Variants in SYNE3 observed in about 807,000 individuals in gnomAD.
The protein encoded by SYNE3 is nesprin-3.
A neutral mutation model predicts 111.2 loss-of-function variants in SYNE3; 100 were observed. The ratio of observed to expected loss-of-function variants is 0.90; its 90% CI spans 0.77 to 1.06. The LOEUF is 1.06. SYNE3 is among the 50% of genes least tolerant of loss of function. SYNE3 has a pLI of 0.00. For synonymous variants in SYNE3, 547 were observed against 533.9 expected, an observed-to-expected ratio of 1.02 and a Z score of -0.34; for missense variants, 1,160 against 1,240.3, an observed-to-expected ratio of 0.94 and a Z score of 0.97.
intron 17 of SYNE3, among the ~76,000 whole-genome samples, chr14:95,422,670 C>A (rs1349083539): frequency 6.6e-6 from 1 of 152,196 alleles, no homozygotes; most frequent in Non-Finnish European, 1.5e-5. Flanking sequence ...TACAAAGATG[C>A]TTCCAGGCAG....
At chr14:95,503,575 A>T (rs568930998) in intron 1 of SYNE3, among the ~76,000 whole-genome samples, 5 of 150,428 alleles carry the variant, frequency 3.3e-5, no homozygotes, top group African/African-American at 1.2e-4. Flanking sequence ...TATTTTAAAC[A>T]GTAGACACGA....
Position 95,467,976 on chromosome 14 carries a change from GAC to G in SYNE3, c.145-11_145-10del. The G allele has an allele frequency of 6.2e-7, 1 of 1,604,058 alleles. No homozygotes were observed. The highest frequency in any genetic ancestry group is 8.5e-7 in the Non-Finnish European group (1 of 1,173,436). On this transcript the variant is annotated splice_polypyrimidine_tract_variant and intron_variant, in intron 2 of 17. Coordinates refer to ENST00000682763, the MANE Select transcript of SYNE3 (RefSeq NM_152592.6). ...TCCAGCTGGCATATTTTCTGTTGTG[GAC>G]ACACAAGCCAGTTTCCAGGGTTGGC... is the stretch of plus-strand genomic sequence containing the variant.
rs1890306044 is a variant in SYNE3 at position 95,500,764 on chromosome 14, A to G, written c.-15+15832T>C. Among the ~76,000 whole-genome samples the G allele has an allele frequency of 6.6e-6, 1 of 152,174 alleles. No homozygotes were observed. The highest frequency in any genetic ancestry group is 6.5e-5 in the Admixed American group (1 of 15,276). On this transcript the variant is annotated intron_variant, in intron 1 of 17. Transcript: ENST00000682763. This position sits in a 1 kb window ranked among gnomAD's most constrained non-coding sequence, Gnocchi z 4.7. ...GGGTTGTCCCCAGCAGCCCCATAGCAGAGTCACTGACCCTTCCTGCTGCAG... is the reference window on the plus strand; with the variant it reads ...GGGTTGTCCCCAGCAGCCCCATAGCGGAGTCACTGACCCTTCCTGCTGCAG...
Position 95,413,195 on chromosome 14 carries a change from T to TTCTC in SYNE3, c.*4627_*4630dup, listed in dbSNP as rs61095678. On this transcript the variant is annotated 3_prime_UTR_variant, in exon 18 of 18. Transcript: ENST00000682763. Reference sequence around the variant, plus strand: ...CCCTCCCTTCCTCCTTTTCTCTCTCTTCTCTCTGTCTCTTTTGCTCTCACT... The same window carrying TTCTC: ...CCCTCCCTTCCTCCTTTTCTCTCTCTTCTCTCTCTCTGTCTCTTTTGCTCTCACT... 104,025 of 145,264 alleles carry TTCTC rather than the reference T, an allele frequency of 0.72. 37,374 individuals carry two copies. Among genetic ancestry groups the TTCTC allele is most frequent in the Non-Finnish European group, 0.76 (50,873 of 66,792 alleles). The allele number at this position is 145,264 out of a possible 1,614,324, so 9.0% of individuals were successfully genotyped here.
At chr14:95,476,480 C>T (rs17092479) in intron 1 of SYNE3, among the ~76,000 whole-genome samples, 1,881 of 152,336 alleles carry the variant, frequency 0.012, 43 homozygotes, top group African/African-American at 0.042. Context: ...ATGCAACCCG[C>T]TTGCTATGCC....
In SYNE3 at chr14:95,475,912, G is replaced by A. The variant is rs919540351; in HGVS notation, c.-14-77C>T. 12 of 1,333,060 alleles carry A rather than the reference G, an allele frequency of 9.0e-6. No individual in the cohort carries two copies. The East Asian group carries it at 2.9e-4, about 32-fold the overall frequency. 82.6% of individuals were successfully genotyped at this position (1,333,060 alleles called of 1,614,324 possible). Reference sequence around the variant, plus strand: ...AAAAAGACCCCCGGCAGGACACCTGGGACAGGCCCACTCCCACCACCAACC... The same window carrying A: ...AAAAAGACCCCCGGCAGGACACCTGAGACAGGCCCACTCCCACCACCAACC... On this transcript the variant is annotated intron_variant, in intron 1 of 17. Transcript: ENST00000682763.
intron 1 of SYNE3, among the ~76,000 whole-genome samples, chr14:95,486,591 C>G (rs1889562017): frequency 1.3e-5 from 2 of 152,146 alleles, no homozygotes; most frequent in Non-Finnish European, 2.9e-5. Context: ...TCAATGACCA[C>G]ACACACGTCA....
chr14:95,449,530 A>G, intron 8 of SYNE3: 1 of 985,478 alleles, frequency 1.0e-6, no homozygotes, highest in Non-Finnish European at 1.2e-6. Flanking sequence ...TGGTGACACC[A>G]CTGAGCTGTG....
At chr14:95,450,543 A>G in intron 7 of SYNE3, 1 of 164,820 alleles carries the variant, frequency 6.1e-6, no homozygotes. Flanking sequence ...CAGGCATCAT[A>G]GTGCATGCCT....
chr14:95,433,521 G>A (rs1340856525), intron 15 of SYNE3, 112 bp from the exon 16 acceptor site: 3 of 1,432,546 alleles, frequency 2.1e-6, no homozygotes, highest in African/African-American at 1.4e-5. Context: ...AGGCAGGGAG[G>A]AGGCAGACAG....
At chr14:95,503,271 C>T (rs1449774070) in intron 1 of SYNE3, among the ~76,000 whole-genome samples, 1 of 152,222 alleles carries the variant, frequency 6.6e-6, no homozygotes, top group Admixed American at 6.5e-5. Context: ...GTAAGCATTG[C>T]CATCCACCCC....
chr14:95,466,132 G>A lies in SYNE3; in HGVS notation c.426C>T (p.Leu142=), dbSNP rs1281173260. ...MMVTLEPHIE[L]QLGLKEKQWQ... ...ACTGCTTCTCCTTCAGGCCCAGCTGGAGCTCGATGTGGGGCTCCAGTGTGA... is the reference window on the plus strand; with the variant it reads ...ACTGCTTCTCCTTCAGGCCCAGCTGAAGCTCGATGTGGGGCTCCAGTGTGA... The change falls in exon 4 of 18, where the codon CTC becomes CTT. Residue 142 remains leucine, a synonymous_variant. Transcript: ENST00000682763. 2 of 1,612,394 alleles carry A rather than the reference G, an allele frequency of 1.2e-6. No individual in the cohort carries two copies.
At chr14:95,468,024 C>A in intron 2 of SYNE3, 57 bp from the exon 3 acceptor site, 2 of 1,555,058 alleles carry the variant, frequency 1.3e-6, no homozygotes, top group East Asian at 2.3e-5. Context: ...CAGGCACAAC[C>A]TTGGGAAGAT....
intron 1 of SYNE3, among the ~76,000 whole-genome samples, chr14:95,503,025 G>A (rs919825781): frequency 1.3e-5 from 2 of 152,196 alleles, no homozygotes; most frequent in African/African-American, 4.8e-5. Context: ...TAAGGCACGG[G>A]GATGAAGAGT....
At chr14:95,449,755 T>C (rs1886945575) in intron 8 of SYNE3, 176 bp downstream of exon 8, 3 of 958,998 alleles carry the variant, frequency 3.1e-6, no homozygotes, top group Non-Finnish European at 3.7e-6. Flanking sequence ...TTTGTCAGTG[T>C]AACAAGCAAG....
At position 95,425,596 on chromosome 14, in the gene SYNE3, C is replaced by T. The variant is rs544058750; in HGVS notation, c.2727+6483G>A. Among the ~76,000 whole-genome samples, 24 of 152,274 alleles carry T rather than the reference C, an allele frequency of 1.6e-4. No homozygotes were observed. In the South Asian group the frequency reaches 5.0e-3, roughly 32 times the overall value. ...AGTTGGCGCTCATGCAAGCTGTGGACTGAGTTAATAACAATGTATCAACTG... is the reference window on the plus strand; with the variant it reads ...AGTTGGCGCTCATGCAAGCTGTGGATTGAGTTAATAACAATGTATCAACTG... On this transcript the variant is annotated intron_variant, in intron 17 of 17. Transcript: ENST00000682763.
chr14:95,423,043 C>T (rs1160867042), intron 17 of SYNE3, among the ~76,000 whole-genome samples: 1 of 152,238 alleles, frequency 6.6e-6, no homozygotes, highest in Non-Finnish European at 1.5e-5. Context: ...AACTCAGAGG[C>T]TCTGGGAATT....
chr14:95,434,907 G>T (rs931124442), intron 15 of SYNE3, among the ~76,000 whole-genome samples: 2 of 152,200 alleles, frequency 1.3e-5, no homozygotes, highest in African/African-American at 4.8e-5. Flanking sequence ...ACCCGCCTCA[G>T]CCTCCCAAAG....
Position 95,417,324 on chromosome 14 carries a change from G to A in SYNE3, c.*502C>T, listed in dbSNP as rs76565027. 1,685 of 177,938 alleles carry A rather than the reference G, an allele frequency of 9.5e-3. 28 individuals are homozygous for A. Among genetic ancestry groups the A allele is most frequent in the African/African-American group, 0.037 (1,591 of 42,764 alleles). The allele number at this position is 177,938 out of a possible 1,614,324, so 11.0% of individuals were successfully genotyped here. A position where few individuals can be genotyped will look rare whatever the true frequency, so the allele number is the denominator to read the frequency against. On this transcript the variant is annotated 3_prime_UTR_variant, in exon 18 of 18. Transcript: ENST00000682763. ...TCTCATTACGCATAAAGCAAGAGTC[G>A]CTGGGCACCAAGTGAGGGTCTATGG...
Sources: allele counts gnomAD v4.1 joint callset (sites outside exome capture counted in the v4.1 genomes callset), GRCh38; gene constraint gnomAD v4.1.1; non-coding constraint Gnocchi (gnomAD v3.1); transcripts MANE v1.5; gene names NCBI Gene and HGNC (gene_info 2026-07-23, HGNC 2026-07-21).